The following ZNF160 variants were observed in gnomAD, a reference collection of about 807,000 sequenced individuals.
The protein encoded by ZNF160 is zinc finger protein 160.
A neutral mutation model predicts 13.1 loss-of-function variants in ZNF160; 9 were observed. That is an observed-to-expected ratio of 0.69 (90% confidence interval 0.41 to 1.20). ZNF160 has a LOEUF of 1.20. ZNF160 is among the 50% of genes most tolerant of loss of function. The pLI, the probability that ZNF160 is intolerant of heterozygous loss-of-function variation, is 0.01. For missense variants in ZNF160, 838 were observed against 988.0 expected (o/e 0.85, Z 2.04); for synonymous variants, 293 against 333.2 (o/e 0.88, Z 1.31).
At chr19:53,098,200 G>A (rs1461104760) in intron 1 of ZNF160, among the ~76,000 whole-genome samples, 1 of 152,152 alleles carries the variant, frequency 6.6e-6, no homozygotes, top group Admixed American at 6.5e-5. Flanking sequence ...TTCCAAGTGT[G>A]CCACACATCC....
At chr19:53,079,475 G>C (rs1423990737) in intron 3 of ZNF160, among the ~76,000 whole-genome samples, 1 of 148,746 alleles carries the variant, frequency 6.7e-6, no homozygotes, top group African/African-American at 2.5e-5. Context: ...TCTTGAACCC[G>C]AGAGGCGGAG....
Position 53,067,880 on chromosome 19 carries a change from G to T in ZNF160, c.*197C>A. ...TTTCATCAAAGATATAAATCTTGAT[G>T]CCTAGTAACCTGCGAGGCCTGGATA... On this transcript the variant is annotated 3_prime_UTR_variant, in exon 6 of 6. Transcript: ENST00000683776. 3.3e-6 allele frequency: 2 copies of T among 613,830 alleles called. No homozygotes were observed. Among genetic ancestry groups the T allele is most frequent in the Non-Finnish European group, 2.6e-6 (1 of 383,478 alleles). 38.0% of individuals were successfully genotyped at this position (613,830 alleles called of 1,614,324 possible).
rs200847207 is a variant in ZNF160 at position 53,077,760 on chromosome 19, G to GAT, written c.16-2579_16-2578dup. Among the ~76,000 whole-genome samples the GAT allele has an allele frequency of 9.6e-3, 1,430 of 148,346 alleles. 7 individuals are homozygous for GAT. The highest frequency in any genetic ancestry group is 0.014 in the Middle Eastern group (4 of 282). ...ACCACAAAGTAATACTAAAGAAGCA[G>GAT]ATATATATATATATACATTATCAAA... On this transcript the variant is annotated intron_variant, in intron 3 of 5. Coordinates refer to ENST00000683776, the MANE Select transcript of ZNF160 (RefSeq NM_001322131.2).
chr19:53,099,929 T>C (rs2085381920), intron 1 of ZNF160, among the ~76,000 whole-genome samples: 1 of 152,226 alleles, frequency 6.6e-6, no homozygotes, highest in Admixed American at 6.5e-5. Flanking sequence ...CACTAGACTT[T>C]CTCACGCCTC....
intron 2 of ZNF160, among the ~76,000 whole-genome samples, chr19:53,088,836 A>T (rs531324936): frequency 6.6e-6 from 1 of 152,160 alleles, no homozygotes; most frequent in African/African-American, 2.4e-5. Flanking sequence ...TGTTTTACTC[A>T]ATTCTGACAC....
chr19:53,077,593 C>T lies in ZNF160; in HGVS notation c.16-2410G>A, dbSNP rs930471428. Among the ~76,000 whole-genome samples the T allele has an allele frequency of 8.3e-5, 12 of 143,966 alleles. No individual in the cohort carries two copies. The East Asian group carries it at 1.1e-3, about 13-fold the overall frequency. 94.4% of individuals were successfully genotyped at this position (143,966 alleles called of 152,430 possible). On this transcript the variant is annotated intron_variant, in intron 3 of 5. Coordinates refer to ENST00000683776, the MANE Select transcript of ZNF160 (RefSeq NM_001322131.2). ...GCTGAGACAGAGAATCGCTTGAACC[C>T]GGGAGGTGGAGGTTGCAGTGAGCTG... is the stretch of plus-strand genomic sequence containing the variant.
At chr19:53,095,451 G>A (rs1388717039) in intron 1 of ZNF160, 1 of 151,832 alleles carries the variant, frequency 6.6e-6, no homozygotes, top group African/African-American at 2.4e-5. Flanking sequence ...AAATCCCCAG[G>A]TGCGCTCATG....
intron 3 of ZNF160, 23 bp downstream of exon 3, chr19:53,086,239 A>G: frequency 6.4e-7 from 1 of 1,574,522 alleles, no homozygotes; most frequent in South Asian, 1.2e-5. Context: ...TAAAAGAACA[A>G]TCCACCAGGA....
intron 1 of ZNF160, among the ~76,000 whole-genome samples, chr19:53,092,168 T>C (rs1349939681): frequency 6.6e-6 from 1 of 152,200 alleles, no homozygotes; most frequent in Admixed American, 6.5e-5. Context: ...TAGATTACAA[T>C]ATTTAAATAA....
intron 1 of ZNF160, among the ~76,000 whole-genome samples, chr19:53,101,519 G>C (rs1309891507): frequency 6.6e-6 from 1 of 151,904 alleles, no homozygotes. Flanking sequence ...AGAAAAGAAT[G>C]ACATGAGCCA....
chr19:53,099,372 G>T (rs1372288684), intron 1 of ZNF160, among the ~76,000 whole-genome samples: 24 of 151,980 alleles, frequency 1.6e-4, no homozygotes, highest in Admixed American at 1.4e-3. Flanking sequence ...ATGTGACTAG[G>T]GCAGAGGGAG....
chr19:53,099,892 T>C (rs6509725), intron 1 of ZNF160, among the ~76,000 whole-genome samples: 24,383 of 152,230 alleles, frequency 0.16, 2,261 homozygotes, highest in African/African-American at 0.23. Flanking sequence ...TCTGACTCTA[T>C]GACGGCCTCG....
Position 53,075,534 on chromosome 19 carries a change from G to A in ZNF160, c.16-351C>T, listed in dbSNP as rs117928064. 2,025 of 351,388 alleles carry A rather than the reference G, an allele frequency of 5.8e-3. 66 individuals are homozygous for A. The East Asian group carries it at 0.085, about 15-fold the overall frequency. 21.8% of individuals were successfully genotyped at this position (351,388 alleles called of 1,614,324 possible). A position where few individuals can be genotyped will look rare whatever the true frequency, so the allele number is the denominator to read the frequency against. On this transcript the variant is annotated intron_variant, in intron 3 of 5. Transcript: ENST00000683776. ...AGACTAAGCCTCTGTCCTCTCGGGAGGACAGAGGGAATGAAAGTTCAGTTG... is the reference window on the plus strand; with the variant it reads ...AGACTAAGCCTCTGTCCTCTCGGGAAGACAGAGGGAATGAAAGTTCAGTTG...
chr19:53,093,399 A>G (rs1201161816), intron 1 of ZNF160, among the ~76,000 whole-genome samples: 1 of 152,138 alleles, frequency 6.6e-6, no homozygotes, highest in Non-Finnish European at 1.5e-5. Flanking sequence ...AGATCGTGCC[A>G]CTGCACTCCA....
chr19:53,075,764 G>A (rs141444324), intron 3 of ZNF160: 5 of 518,984 alleles, frequency 9.6e-6, no homozygotes, highest in African/African-American at 7.7e-5. Context: ...GTTTCCCTGT[G>A]TTATGTGAGC....
intron 1 of ZNF160, among the ~76,000 whole-genome samples, chr19:53,097,685 C>T (rs2085288852): frequency 1.3e-5 from 2 of 152,326 alleles, no homozygotes; most frequent in South Asian, 4.1e-4. Context: ...AAAGGAAACA[C>T]TCCAAATGAT....
intron 2 of ZNF160, among the ~76,000 whole-genome samples, chr19:53,087,619 C>A (rs1351370515): frequency 6.6e-6 from 1 of 152,106 alleles, no homozygotes; most frequent in Non-Finnish European, 1.5e-5. Flanking sequence ...AGCGTGATCT[C>A]GGCTCACTGC....
chr19:53,074,085 C>T, intron 5 of ZNF160, 55 bp downstream of exon 5: 5 of 1,572,130 alleles, frequency 3.2e-6, no homozygotes, highest in Non-Finnish European at 4.4e-6. Context: ...CTACTGTGCC[C>T]CCTCCCACAC....
At chr19:53,079,278 CGG>C (rs1173043584) in intron 3 of ZNF160, among the ~76,000 whole-genome samples, 4 of 151,530 alleles carry the variant, frequency 2.6e-5, no homozygotes, top group African/African-American at 9.8e-5. Flanking sequence ...AATTCGGGCA[CGG>C]TGGCTCACGC....
Sources: gnomAD v4.1 joint callset for allele counts (sites outside exome capture counted in the v4.1 genomes callset) on GRCh38, gnomAD v4.1.1 for gene constraint, MANE v1.5 for transcripts, NCBI Gene and HGNC (gene_info 2026-07-23, HGNC 2026-07-21) for gene names.